The following ZBTB16 variants were observed in gnomAD, a reference collection of about 807,000 sequenced individuals.
The protein encoded by ZBTB16 is zinc finger and BTB domain-containing protein 16.
A neutral mutation model predicts 56.8 loss-of-function variants in ZBTB16; 8 were observed. That is an observed-to-expected ratio of 0.14 (90% CI 0.08 to 0.25). The LOEUF is 0.25. Among genes scored for constraint, ZBTB16 ranks in the 10% least tolerant of loss-of-function variants. ZBTB16 has a pLI of 1.00. For synonymous variants in ZBTB16, 363 were observed against 368.5 expected (o/e 0.98, Z 0.17); for missense variants, 625 against 903.0 (o/e 0.69, Z 3.95).
At chr11:114,224,904 A>G (rs1944299543) in intron 4 of ZBTB16, among the ~76,000 whole-genome samples, 1 of 152,170 alleles carries the variant, frequency 6.6e-6, no homozygotes, top group Non-Finnish European at 1.5e-5. Context: ...ATCAAAGGCA[A>G]ACAGTTTTGG....
chr11:114,238,415 G>A (rs1323782688), intron 4 of ZBTB16, among the ~76,000 whole-genome samples: 1 of 151,784 alleles, frequency 6.6e-6, no homozygotes, highest in Non-Finnish European at 1.5e-5. Flanking sequence ...TGTGATTGGG[G>A]TGCCAGCATG....
chr11:114,224,706 A>G (rs936549384), intron 4 of ZBTB16, among the ~76,000 whole-genome samples: 3 of 152,196 alleles, frequency 2.0e-5, no homozygotes, highest in Admixed American at 6.5e-5. Flanking sequence ...AACAATCCCA[A>G]TCCACGATGG....
At chr11:114,151,301 A>G (rs1942273042) in intron 2 of ZBTB16, among the ~76,000 whole-genome samples, 1 of 152,110 alleles carries the variant, frequency 6.6e-6, no homozygotes, top group Non-Finnish European at 1.5e-5. Flanking sequence ...GTGAGTTGGG[A>G]AGGATTATGT....
At chr11:114,118,722 C>G (rs115680094) in intron 2 of ZBTB16, among the ~76,000 whole-genome samples, 1 of 152,148 alleles carries the variant, frequency 6.6e-6, no homozygotes. Context: ...TATTGCATTT[C>G]TACTCTCACC....
In ZBTB16 at chr11:114,064,894, T is replaced by C. The variant is rs1045374530; in HGVS notation, c.1268+326T>C. ...GTTCTCCTTTGCTTGGAGTGACTGA[T>C]AAAATGGAGAGAAGGAGAAAAGGAG... On this transcript the variant is annotated intron_variant, in intron 2 of 6. Coordinates refer to ENST00000335953, the MANE Select transcript of ZBTB16 (RefSeq NM_006006.6). This position sits in a 1 kb window ranked among gnomAD's most constrained non-coding sequence, Gnocchi z 4.2. 8.5e-5 allele frequency among the ~76,000 whole-genome samples: 13 copies of C among 152,086 alleles called. No individual in the cohort carries two copies. Among genetic ancestry groups the C allele is most frequent in the Middle Eastern group, 3.2e-3 (1 of 316 alleles).
rs2137654678 is a variant in ZBTB16, at chr11:114,064,226, C to T, written c.926C>T (p.Pro309Leu). 6.2e-7 allele frequency: 1 copy of T among 1,614,038 alleles called. No homozygotes were observed. Among genetic ancestry groups the T allele is most frequent in the Non-Finnish European group, 8.5e-7 (1 of 1,180,026 alleles). ...GAGAGTGCCGAGCAGGTGCCACCCC[C>T]AGCTGAGGCTGGCCAGGCCCCCACT... ...REESAEQVPP[P>L]AEAGQAPTGR... Residue 309 changes from proline (P) to leucine (L), a missense_variant, in exon 2 of 7, where the codon CCA (proline) becomes CTA (leucine). Pro to Leu is a moderately conservative substitution (Grantham distance 98). Coordinates refer to ENST00000335953, the MANE Select transcript of ZBTB16 (RefSeq NM_006006.6). The surrounding 1 kb of genome is among the most constrained non-coding windows in gnomAD (Gnocchi z 4.2).
chr11:114,094,143 G>T lies in ZBTB16; in HGVS notation c.1268+29575G>T, dbSNP rs556804042. Among the ~76,000 whole-genome samples, 34 of 152,124 alleles carry T rather than the reference G, an allele frequency of 2.2e-4. No homozygotes were observed. The South Asian group carries it at 6.4e-3, about 29-fold the overall frequency. On this transcript the variant is annotated intron_variant, in intron 2 of 6. Coordinates refer to ENST00000335953, the MANE Select transcript of ZBTB16 (RefSeq NM_006006.6). ...ATCCTGGCTAACACGGTGAAAGCCC[G>T]TCTCTACTAAAAATACAAAAAATTA...
At chr11:114,175,231 C>G (rs751987282) in intron 3 of ZBTB16, among the ~76,000 whole-genome samples, 6 of 152,188 alleles carry the variant, frequency 3.9e-5, no homozygotes, top group Non-Finnish European at 7.3e-5. Context: ...GCACACAACA[C>G]CAATACTTTC....
At chr11:114,166,848 G>A (rs12275428) in intron 3 of ZBTB16, among the ~76,000 whole-genome samples, 10,528 of 152,194 alleles carry the variant, frequency 0.069, 532 homozygotes, top group African/African-American at 0.13. Flanking sequence ...TCAGACTGGA[G>A]TTTCCGAGGA....
In ZBTB16 at chr11:114,142,845, C is replaced by T. The variant is rs747811889; in HGVS notation, c.1269-13492C>T. Among the ~76,000 whole-genome samples the T allele has an allele frequency of 2.6e-5, 4 of 152,158 alleles. No homozygotes were observed. The East Asian group carries it at 5.8e-4, about 22-fold the overall frequency. The stretch of plus-strand genomic sequence containing the variant: ...AAAAAGATTCCACTCTGCCTCCTCC[C>T]CCATCCCCATCGGGAGGTGGGCTTT... On this transcript the variant is annotated intron_variant, in intron 2 of 6. Coordinates refer to ENST00000335953, the MANE Select transcript of ZBTB16 (RefSeq NM_006006.6).
intron 2 of ZBTB16, among the ~76,000 whole-genome samples, chr11:114,081,691 A>G (rs1300077709): frequency 1.3e-5 from 2 of 152,174 alleles, no homozygotes; most frequent in Non-Finnish European, 2.9e-5. Flanking sequence ...GGGAGCCTGG[A>G]TGAAGTAGCA....
chr11:114,211,153 C>A (rs973495324), intron 4 of ZBTB16, among the ~76,000 whole-genome samples: 1 of 152,208 alleles, frequency 6.6e-6, no homozygotes, highest in East Asian at 1.9e-4. Context: ...AACTCCTGAC[C>A]TCAGTTCATC....
chr11:114,252,676 C>T lies in ZBTB16; in HGVS notation c.*2121C>T, dbSNP rs1185432340. Among the ~76,000 whole-genome samples the T allele has an allele frequency of 2.0e-5, 3 of 151,846 alleles. No individual in the cohort carries two copies. Among genetic ancestry groups the T allele is most frequent in the Non-Finnish European group, 4.4e-5 (3 of 67,974 alleles). On this transcript the variant is annotated 3_prime_UTR_variant, in exon 7 of 7. Transcript: ENST00000335953. ...TCTCTCTCTGAGAAAGTTGTGGCTG[C>T]GTTTTGATCTTAGGTTTTACAAAGT...
At chr11:114,185,311 T>A (rs1943336461) in intron 3 of ZBTB16, among the ~76,000 whole-genome samples, 1 of 152,188 alleles carries the variant, frequency 6.6e-6, no homozygotes, top group South Asian at 2.1e-4. Flanking sequence ...GAGTGCTTGA[T>A]GTCCACAAAC....
rs1437263693 is a variant in ZBTB16, at chr11:114,064,308, G to A, written c.1008G>A (p.Val336=). 1.2e-6 allele frequency: 2 copies of A among 1,613,996 alleles called. No homozygotes were observed. Among genetic ancestry groups the A allele is most frequent in the African/African-American group, 2.7e-5 (2 of 74,932 alleles). Residue 336 remains valine, a synonymous_variant, in exon 2 of 7, where the codon GTG becomes GTA. Coordinates refer to ENST00000335953, the MANE Select transcript of ZBTB16 (RefSeq NM_006006.6). This position sits in a 1 kb window ranked among gnomAD's most constrained non-coding sequence, Gnocchi z 4.2. ...PPEKHLGIYS[V]LPNHKADAVL... ...AGAAGCATCTGGGCATCTACTCCGT[G>A]TTGCCCAACCACAAGGCTGACGCTG...
chr11:114,244,897 G>A (rs1045036137), intron 5 of ZBTB16, among the ~76,000 whole-genome samples: 2 of 152,180 alleles, frequency 1.3e-5, no homozygotes, highest in African/African-American at 4.8e-5. Flanking sequence ...GGCTGCCGAT[G>A]TACGTTTTAA....
intron 4 of ZBTB16, among the ~76,000 whole-genome samples, chr11:114,205,263 A>C (rs1233433457): frequency 6.6e-6 from 1 of 152,018 alleles, no homozygotes; most frequent in Non-Finnish European, 1.5e-5. Flanking sequence ...CAAAAAAATT[A>C]GCCGGGCGTA....
intron 3 of ZBTB16, among the ~76,000 whole-genome samples, chr11:114,171,924 G>A (rs1056605161): frequency 2.6e-5 from 4 of 152,268 alleles, no homozygotes; most frequent in Non-Finnish European, 5.9e-5. Flanking sequence ...GCCTCTGCCT[G>A]CTGAAGAGCA....
At chr11:114,077,546 A>G (rs1939615152) in intron 2 of ZBTB16, among the ~76,000 whole-genome samples, 1 of 151,616 alleles carries the variant, frequency 6.6e-6, no homozygotes. Context: ...AATTAGTCCG[A>G]CTCCTCCTCA....
Sources: allele counts gnomAD v4.1 joint callset (sites outside exome capture counted in the v4.1 genomes callset), GRCh38; gene constraint gnomAD v4.1.1; non-coding constraint Gnocchi (gnomAD v3.1); transcripts MANE v1.5; gene names NCBI Gene and HGNC (gene_info 2026-07-23, HGNC 2026-07-21).